LRRC45: variants seen among roughly 807,000 people sequenced by gnomAD.
The protein encoded by LRRC45 is leucine rich repeat containing 45, also known as leucine-rich repeat-containing protein 45.
Under a neutral mutation model 85.4 loss-of-function variants are expected in LRRC45, and 73 were observed. The ratio of observed to expected loss-of-function variants is 0.85; its 90% confidence interval spans 0.71 to 1.04. The LOEUF is 1.04. Ranked by LOEUF, LRRC45 falls within the 50% of genes least tolerant of loss-of-function variation. The pLI, the probability that LRRC45 is intolerant of heterozygous loss-of-function variation, is 0.00. For missense variants in LRRC45, 937 were observed against 883.3 expected, an observed-to-expected ratio of 1.06 and a Z score of -0.77; for synonymous variants, 429 against 386.0, an observed-to-expected ratio of 1.11 and a Z score of -1.31.
intron 5 of LRRC45, 71 bp from the exon 6 acceptor site, chr17:82,026,828 C>G (rs2043371956): frequency 7.7e-7 from 1 of 1,293,578 alleles, no homozygotes; most frequent in Admixed American, 2.0e-5. Context: ...GATCCACCCA[C>G]CTCGACCTCC....
chr17:82,028,198 G>A (rs749423772), intron 9 of LRRC45, 36 bp from the exon 10 acceptor site: 245 of 1,560,812 alleles, frequency 1.6e-4, no homozygotes, highest in Non-Finnish European at 2.0e-4. Context: ...TGGCGGCTTC[G>A]TGACCCTCAC....
Position 82,027,679 on chromosome 17 carries a change from C to T in LRRC45, c.839C>T (p.Ser280Leu), listed in dbSNP as rs1255802793. 24 of 1,610,004 alleles carry T rather than the reference C, an allele frequency of 1.5e-5. No individual in the cohort carries two copies. The highest frequency in any genetic ancestry group is 1.8e-5 in the Non-Finnish European group (21 of 1,178,778). The change falls in exon 8 of 17, where the codon TCG (serine) becomes TTG (leucine). Residue 280 changes from serine to leucine, a missense_variant. Transcript: ENST00000306688. Reference sequence around the variant, plus strand: ...ACCCTCCTCTCTGCCCACAGGGCGTCGGCAGCCCGTGTAGGGCAGCTTCAG... The same window carrying T: ...ACCCTCCTCTCTGCCCACAGGGCGTTGGCAGCCCGTGTAGGGCAGCTTCAG... ...REEMAKSSRA[S>L]AARVGQLQEA...
At chr17:82,029,667 G>T in intron 14 of LRRC45, 32 bp downstream of exon 14, 1 of 1,542,846 alleles carries the variant, frequency 6.5e-7, no homozygotes, top group South Asian at 1.2e-5. Flanking sequence ...CCCTCCGGGG[G>T]AGCCAGGCTG....
chr17:82,030,467 G>T lies in LRRC45; in HGVS notation c.1816+1G>T. ...GCGGCCCTGGAGCGCCAGCTGAAAGGTGAGCCAGACCCTTGTCCTCCCGCC... is the reference window on the plus strand; with the variant it reads ...GCGGCCCTGGAGCGCCAGCTGAAAGTTGAGCCAGACCCTTGTCCTCCCGCC... On this transcript the variant is annotated splice_donor_variant, in intron 16 of 16. Transcript: ENST00000306688. LOFTEE classifies it high-confidence loss of function. 6.5e-7 allele frequency: 1 copy of T among 1,543,064 alleles called. No individual in the cohort carries two copies. The highest frequency in any genetic ancestry group is 8.7e-7 in the Non-Finnish European group (1 of 1,146,958).
At chr17:82,027,320 C>T in intron 6 of LRRC45, 66 bp from the exon 7 acceptor site, 1 of 1,578,110 alleles carries the variant, frequency 6.3e-7, no homozygotes, top group African/African-American at 1.3e-5. Context: ...CTCTCCTTCC[C>T]CCTGAGAAGG....
At chr17:82,026,690 T>C (rs1052133486) in intron 5 of LRRC45, 1 of 404,512 alleles carries the variant, frequency 2.5e-6, no homozygotes, top group Non-Finnish European at 4.8e-6. Context: ...GCGATTTTCC[T>C]GCCTCAGCCT....
chr17:82,031,081 G>A lies in LRRC45; in HGVS notation c.*276G>A, dbSNP rs2043417791. ...GCGTCTCCCCCTCGCCTTTTGCGATGTCACCGTGAACGCTGCGGCCGCCTG... is the reference window on the plus strand; with the variant it reads ...GCGTCTCCCCCTCGCCTTTTGCGATATCACCGTGAACGCTGCGGCCGCCTG... On this transcript the variant is annotated 3_prime_UTR_variant, in exon 17 of 17. Transcript: ENST00000306688. The A allele has an allele frequency of 5.3e-6, 2 of 376,104 alleles. No homozygotes were observed. The highest frequency in any genetic ancestry group is 9.5e-6 in the Non-Finnish European group (2 of 211,586). 23.3% of individuals were successfully genotyped at this position (376,104 alleles called of 1,614,324 possible). A position where few individuals can be genotyped will look rare whatever the true frequency, so the allele number is the denominator to read the frequency against.
At position 82,028,149 on chromosome 17, in the gene LRRC45, G is replaced by A. The variant is rs2043385160; in HGVS notation, c.1047+3G>A. The A allele has an allele frequency of 1.3e-6, 2 of 1,563,896 alleles. No individual in the cohort carries two copies. The highest frequency in any genetic ancestry group is 1.4e-5 in the African/African-American group (1 of 74,048). On this transcript the variant is annotated splice_donor_region_variant and intron_variant, in intron 9 of 16. Transcript: ENST00000306688. ...AGGAGCTCAAGCTGGAGCAGCAGGT[G>A]GGTGGGCAGGGCTTGAGAGGGGTGG... is the stretch of plus-strand genomic sequence containing the variant.
chr17:82,025,125 G>A lies in LRRC45; in HGVS notation c.479G>A (p.Gly160Asp), dbSNP rs2043356742. The A allele has an allele frequency of 5.6e-6, 9 of 1,610,996 alleles. No homozygotes were observed. Among genetic ancestry groups the A allele is most frequent in the Non-Finnish European group, 7.6e-6 (9 of 1,179,044 alleles). The change falls in exon 4 of 17, where the codon GGC (glycine) becomes GAC (aspartate). Residue 160 changes from glycine (G) to aspartate (D), a missense_variant. By Grantham distance (94) the Gly-to-Asp change is moderately conservative. Transcript: ENST00000306688. ...DLRNNQISHKGAEELALALKG... is the reference protein window; with the variant it reads ...DLRNNQISHKDAEELALALKG... The stretch of plus-strand genomic sequence containing the variant: ...CGCAACAACCAGATCAGTCACAAGG[G>A]CGCGGAGGAGCTGGCCCTAGCCCTG...
rs2043360266 is a variant in LRRC45 at position 82,025,438 on chromosome 17, A to G, written c.592A>G (p.Ser198Gly). 2 of 1,608,914 alleles carry G rather than the reference A, an allele frequency of 1.2e-6. No homozygotes were observed. Among genetic ancestry groups the G allele is most frequent in the Non-Finnish European group, 1.7e-6 (2 of 1,177,792 alleles). ...CCGGGCCCTCATGAACTGTCTCCCC[A>G]GCAACAGAACCCTGTGGAGACTGGA... is the stretch of plus-strand genomic sequence containing the variant. Reference protein sequence around the residue: ...GGRALMNCLPSNRTLWRLDLA... With the variant: ...GGRALMNCLPGNRTLWRLDLA... Residue 198 changes from serine to glycine, a missense_variant, in exon 5 of 17, where the codon AGC (serine) becomes GGC (glycine). Transcript: ENST00000306688.
chr17:82,028,953 G>A, intron 12 of LRRC45, 140 bp from the exon 13 acceptor site: 1 of 804,374 alleles, frequency 1.2e-6, no homozygotes, highest in Non-Finnish European at 2.0e-6. Flanking sequence ...GTAGTTTCCT[G>A]CTAGGCCATC....
chr17:82,023,418 G>C lies in LRRC45; in HGVS notation c.-226G>C. 2 of 527,034 alleles carry C rather than the reference G, an allele frequency of 3.8e-6. No homozygotes were observed. The highest frequency in any genetic ancestry group is 6.6e-6 in the Non-Finnish European group (2 of 301,350). 32.6% of individuals were successfully genotyped at this position (527,034 alleles called of 1,614,324 possible). On this transcript the variant is annotated 5_prime_UTR_variant, in exon 1 of 17. Coordinates refer to ENST00000306688, the MANE Select transcript of LRRC45 (RefSeq NM_144999.4). ...GACGCACCTGCCTGCTTCCTGCACGGGTGGTCCCCAAGCACTGCGGGGCCC... is the reference window on the plus strand; with the variant it reads ...GACGCACCTGCCTGCTTCCTGCACGCGTGGTCCCCAAGCACTGCGGGGCCC...
chr17:82,025,228 T>C, intron 4 of LRRC45, 50 bp downstream of exon 4: 1 of 1,547,502 alleles, frequency 6.5e-7, no homozygotes, highest in Non-Finnish European at 8.7e-7. Context: ...TGAGGCTGCC[T>C]CTGCTCTGGG....
intron 2 of LRRC45, 81 bp downstream of exon 2, chr17:82,024,420 C>A: frequency 6.5e-7 from 1 of 1,550,368 alleles, no homozygotes; most frequent in Non-Finnish European, 8.8e-7. Flanking sequence ...GTCTCGGGGG[C>A]CTGGGGTCTG....
Position 82,026,916 on chromosome 17 carries a change from A to T in LRRC45, c.679A>T (p.Ser227Cys). 3 of 1,605,954 alleles carry T rather than the reference A, an allele frequency of 1.9e-6. No individual in the cohort carries two copies. In the South Asian group the frequency reaches 3.3e-5, roughly 18 times the overall value. Residue 227 changes from serine (S) to cysteine (C), a missense_variant, in exon 6 of 17, where the codon AGC (serine) becomes TGC (cysteine). Physicochemically the swap from Ser to Cys is moderately radical, Grantham distance 112. Coordinates refer to ENST00000306688, the MANE Select transcript of LRRC45 (RefSeq NM_144999.4). ...LRAVEQAMGHSQDRLTTFQEN... is the reference protein window; with the variant it reads ...LRAVEQAMGHCQDRLTTFQEN... The stretch of plus-strand genomic sequence containing the variant: ...TTCTGCAGAGCAAGCCATGGGCCAC[A>T]GCCAGGACCGGCTCACCACCTTCCA...
rs1333482359 is a variant in LRRC45, at chr17:82,030,103, G to C, written c.1533G>C (p.Leu511=). The change falls in exon 15 of 17, where the codon CTG becomes CTC. Residue 511 remains leucine (L), a synonymous_variant. Coordinates refer to ENST00000306688, the MANE Select transcript of LRRC45 (RefSeq NM_144999.4). ...CTCACCTGGAGGACAAGCTGAGACTGCTGGCGCAGGCACGGGACGAGGCGC... is the reference window on the plus strand; with the variant it reads ...CTCACCTGGAGGACAAGCTGAGACTCCTGGCGCAGGCACGGGACGAGGCGC... ...RLAHLEDKLR[L]LAQARDEAQG... 10 of 1,546,974 alleles carry C rather than the reference G, an allele frequency of 6.5e-6. No individual in the cohort carries two copies. The highest frequency in any genetic ancestry group is 8.7e-6 in the Non-Finnish European group (10 of 1,147,164).
At chr17:82,029,380 CT>C in intron 13 of LRRC45, 162 bp from the exon 14 acceptor site, 1 of 960,582 alleles carries the variant, frequency 1.0e-6, no homozygotes, top group Non-Finnish European at 1.6e-6. Flanking sequence ...CTTCCTTGGC[CT>C]TAGGAACCTT....
chr17:82,025,999 G>A (rs2043364661), intron 5 of LRRC45, among the ~76,000 whole-genome samples: 1 of 152,184 alleles, frequency 6.6e-6, no homozygotes, highest in South Asian at 2.1e-4. Context: ...AGGCCCCAGT[G>A]CCCCAGACTC....
Position 82,030,122 on chromosome 17 carries a change from G to A in LRRC45, c.1552G>A (p.Glu518Lys), listed in dbSNP as rs1258163020. Residue 518 changes from glutamate (E) to lysine (K), a missense_variant, in exon 15 of 17, where the codon GAG becomes AAG. Coordinates refer to ENST00000306688, the MANE Select transcript of LRRC45 (RefSeq NM_144999.4). ...GAGACTGCTGGCGCAGGCACGGGAC[G>A]AGGCGCAGGGCGCTTGCCTACAGCA... The part of the protein sequence containing the change: ...KLRLLAQARD[E>K]AQGACLQQKQ... The A allele has an allele frequency of 6.5e-7, 1 of 1,547,822 alleles. No homozygotes were observed. Among genetic ancestry groups the A allele is most frequent in the Middle Eastern group, 2.0e-4 (1 of 5,102 alleles).
Sources: allele counts gnomAD v4.1 joint callset (sites outside exome capture counted in the v4.1 genomes callset), GRCh38; gene constraint gnomAD v4.1.1; transcripts MANE v1.5; gene names NCBI Gene and HGNC (gene_info 2026-07-23, HGNC 2026-07-21).